Variants in PGM1 observed in about 807,000 individuals in gnomAD.
The protein encoded by PGM1 is phosphoglucomutase 1, also known as phosphoglucomutase-1.
PGM1 carries 52 observed loss-of-function variants against 55.6 expected under a neutral mutation model. The ratio of observed to expected loss-of-function variants is 0.94; its 90% CI spans 0.75 to 1.18. The LOEUF is 1.18. PGM1 is among the 50% of genes most tolerant of loss of function. The pLI is 0.00. For missense variants in PGM1, 724 were observed against 729.3 expected (o/e 0.99, Z 0.08); for synonymous variants, 287 against 271.7 (o/e 1.06, Z -0.55).
chr1:63,621,937 AC>A (rs1489984176), intron 1 of PGM1, among the ~76,000 whole-genome samples: 1 of 152,140 alleles, frequency 6.6e-6, no homozygotes. Flanking sequence ...GTTGGCAGCT[AC>A]CAGTGCCTGT....
At chr1:63,603,437 T>G (rs1350727134) in intron 1 of PGM1, among the ~76,000 whole-genome samples, 3 of 152,230 alleles carry the variant, frequency 2.0e-5, no homozygotes, top group Non-Finnish European at 4.4e-5. Flanking sequence ...ACTACTGGGT[T>G]GAATTAAAAC....
chr1:63,603,297 G>A (rs947685727), intron 1 of PGM1, among the ~76,000 whole-genome samples: 3 of 152,244 alleles, frequency 2.0e-5, no homozygotes, highest in Non-Finnish European at 4.4e-5. Context: ...GTTGGGCCAT[G>A]TTCCAAATAC....
chr1:63,637,556 C>T (rs1254834085), intron 6 of PGM1, among the ~76,000 whole-genome samples: 2 of 152,142 alleles, frequency 1.3e-5, no homozygotes, highest in African/African-American at 4.8e-5. Context: ...CACAGCAGAC[C>T]TCATTTTAAG....
chr1:63,594,028 C>A (rs1647959125), intron 1 of PGM1: 2 of 1,115,594 alleles, frequency 1.8e-6, no homozygotes, highest in Non-Finnish European at 2.2e-6. Context: ...CGTCTCTAGC[C>A]GCTGCCTTCC....
At chr1:63,613,921 C>T (rs566969335) in intron 1 of PGM1, among the ~76,000 whole-genome samples, 1 of 152,244 alleles carries the variant, frequency 6.6e-6, no homozygotes, top group South Asian at 2.1e-4. Context: ...CCATACATAG[C>T]CCAATGATGA....
intron 8 of PGM1, among the ~76,000 whole-genome samples, chr1:63,650,641 C>A (rs1649783562): frequency 6.6e-6 from 1 of 152,166 alleles, no homozygotes; most frequent in African/African-American, 2.4e-5. Flanking sequence ...ACTCTGCTAT[C>A]TTGAGCTTCT....
chr1:63,616,148 G>A (rs1271968103), intron 1 of PGM1, among the ~76,000 whole-genome samples: 1 of 152,184 alleles, frequency 6.6e-6, no homozygotes, highest in Non-Finnish European at 1.5e-5. Flanking sequence ...TTAGCGCCAA[G>A]TGAATATTCT....
chr1:63,638,632 T>C, intron 6 of PGM1, 53 bp from the exon 7 acceptor site: 1 of 1,190,670 alleles, frequency 8.4e-7, no homozygotes, highest in Non-Finnish European at 1.3e-6. Context: ...GTCCCTCACA[T>C]GGCCACGCTA....
At chr1:63,593,935 G>A in intron 1 of PGM1, 1 of 1,232,472 alleles carries the variant, frequency 8.1e-7, no homozygotes, top group Non-Finnish European at 1.0e-6. Context: ...AAGTGGCCAC[G>A]GGACCCGGCA....
In PGM1 at chr1:63,659,928, G is replaced by C. The variant is rs1466761112; in HGVS notation, c.*253G>C. 1 of 584,890 alleles carries C rather than the reference G, an allele frequency of 1.7e-6. No individual in the cohort carries two copies. The highest frequency in any genetic ancestry group is 3.1e-6 in the Non-Finnish European group (1 of 323,722). The allele number at this position is 584,890 out of a possible 1,614,324, so 36.2% of individuals were successfully genotyped here. ...TGCCCTCCTGCATTGCTGCTGCGTGGGTATTTGTCTCCTTAGCCATCAGGT... is the reference window on the plus strand; with the variant it reads ...TGCCCTCCTGCATTGCTGCTGCGTGCGTATTTGTCTCCTTAGCCATCAGGT... On this transcript the variant is annotated 3_prime_UTR_variant, in exon 11 of 11. Transcript: ENST00000371084.
chr1:63,651,440 G>C (rs1557443530), intron 8 of PGM1: 10 of 530,356 alleles, frequency 1.9e-5, no homozygotes, highest in Non-Finnish European at 3.1e-5. Context: ...GGTGTTTTCT[G>C]CTTATTCAGA....
chr1:63,629,927 C>T lies in PGM1; in HGVS notation c.410-15C>T. The T allele has an allele frequency of 6.2e-7, 1 of 1,613,904 alleles. No homozygotes were observed. The highest frequency in any genetic ancestry group is 8.5e-7 in the Non-Finnish European group (1 of 1,179,832). ...GCTGCACGAAGTAACCCACTGTTTGCTGTTTGGTTTCCAGGTCCTGCTCCA... is the reference window on the plus strand; with the variant it reads ...GCTGCACGAAGTAACCCACTGTTTGTTGTTTGGTTTCCAGGTCCTGCTCCA... On this transcript the variant is annotated splice_polypyrimidine_tract_variant and intron_variant, in intron 2 of 10. Coordinates refer to ENST00000371084, the MANE Select transcript of PGM1 (RefSeq NM_002633.3).
chr1:63,617,282 A>G (rs986422535), intron 1 of PGM1, among the ~76,000 whole-genome samples: 3 of 152,150 alleles, frequency 2.0e-5, no homozygotes, highest in Admixed American at 1.3e-4. Flanking sequence ...GGACCCAGGT[A>G]CTACGGAGCC....
In PGM1 at chr1:63,638,294, C is replaced by T. The variant is rs146266414; in HGVS notation, c.1029-391C>T. ...CTGTAAAATGCTAACTGCCCAGACC[C>T]AGTATGTCATGATTCTGTGATTACA... is the stretch of plus-strand genomic sequence containing the variant. On this transcript the variant is annotated intron_variant, in intron 6 of 10. Coordinates refer to ENST00000371084, the MANE Select transcript of PGM1 (RefSeq NM_002633.3). Among the ~76,000 whole-genome samples the T allele has an allele frequency of 7.9e-5, 12 of 152,304 alleles. No individual in the cohort carries two copies. The East Asian group carries it at 1.7e-3, about 22-fold the overall frequency.
intron 10 of PGM1, chr1:63,656,054 A>C (rs542127279): frequency 1.3e-5 from 2 of 152,376 alleles, no homozygotes; most frequent in East Asian, 3.9e-4. Context: ...CTCTAAAAAA[A>C]GAAAAGGAAA....
chr1:63,624,980 T>C (rs553514340), intron 1 of PGM1, among the ~76,000 whole-genome samples: 1 of 152,334 alleles, frequency 6.6e-6, no homozygotes, highest in East Asian at 1.9e-4. Flanking sequence ...ATTTTTAAGA[T>C]AAAATGTGAC....
chr1:63,650,565 T>C (rs1028962605), intron 8 of PGM1, among the ~76,000 whole-genome samples: 1 of 152,218 alleles, frequency 6.6e-6, no homozygotes, highest in African/African-American at 2.4e-5. Flanking sequence ...TCCTCAGCAT[T>C]TCTCATGTCT....
At chr1:63,628,576 G>A (rs796419675) in intron 1 of PGM1, among the ~76,000 whole-genome samples, 1 of 152,118 alleles carries the variant, frequency 6.6e-6, no homozygotes, top group Non-Finnish European at 1.5e-5. Flanking sequence ...AATGGAAAAT[G>A]TAAAAAAATC....
At chr1:63,623,527 T>C (rs371692032) in intron 1 of PGM1, 33 of 1,612,772 alleles carry the variant, frequency 2.0e-5, no homozygotes, top group Non-Finnish European at 2.7e-5. Context: ...TCTCCCTCTG[T>C]TGACTTTTGC....
Sources: allele counts gnomAD v4.1 joint callset (sites outside exome capture counted in the v4.1 genomes callset), GRCh38; gene constraint gnomAD v4.1.1; transcripts MANE v1.5; gene names NCBI Gene and HGNC (gene_info 2026-07-23, HGNC 2026-07-21).